KREMEN1: variants seen among roughly 807,000 people sequenced by gnomAD.
The protein encoded by KREMEN1 is kremen protein 1.
A neutral mutation model predicts 46.5 loss-of-function variants in KREMEN1; 30 were observed. The observed-to-expected ratio is 0.65, with a 90% CI of 0.48 to 0.88. The LOEUF (loss-of-function observed/expected upper bound fraction) is 0.88, where lower values mean the gene tolerates loss of function less well. Ranked by LOEUF, KREMEN1 falls within the 40% of genes least tolerant of loss-of-function variation. KREMEN1 has a pLI of 0.00. For synonymous variants in KREMEN1, 214 were observed against 230.6 expected, an observed-to-expected ratio of 0.93 and a Z score of 0.65; for missense variants, 533 against 596.9, an observed-to-expected ratio of 0.89 and a Z score of 1.11.
chr22:29,159,039 C>T (rs926877580), intron 9 of KREMEN1, among the ~76,000 whole-genome samples: 3 of 151,544 alleles, frequency 2.0e-5, no homozygotes, highest in South Asian at 2.1e-4. Context: ...GAGCTGGTCT[C>T]GAACTCCTGA....
At chr22:29,094,467 GTCTC>G in intron 2 of KREMEN1, 47 bp downstream of exon 2, 1 of 1,521,532 alleles carries the variant, frequency 6.6e-7, no homozygotes, top group Non-Finnish European at 8.9e-7. Flanking sequence ...TATATATCTA[GTCTC>G]TTCTTCCAAC....
In KREMEN1 at chr22:29,143,329, C is replaced by G; in HGVS notation, c.*1217C>G. 1 of 985,488 alleles carries G rather than the reference C, an allele frequency of 1.0e-6. No homozygotes were observed. The highest frequency in any genetic ancestry group is 1.2e-6 in the Non-Finnish European group (1 of 829,962). The allele number at this position is 985,488 out of a possible 1,614,324, so 61.0% of individuals were successfully genotyped here. On this transcript the variant is annotated 3_prime_UTR_variant, in exon 9 of 9. Coordinates refer to ENST00000400335, the MANE Select transcript of KREMEN1 (RefSeq NM_001039570.3). Reference sequence around the variant, plus strand: ...GGCCTCAGTCTCTCCATGATTGGCTCAGCTAACTCTCAGTTCAGAGTGGAG... The same window carrying G: ...GGCCTCAGTCTCTCCATGATTGGCTGAGCTAACTCTCAGTTCAGAGTGGAG...
chr22:29,154,588 CA>C (rs1201130613), intron 9 of KREMEN1: 2 of 152,348 alleles, frequency 1.3e-5, no homozygotes, highest in African/African-American at 2.4e-5. Context: ...GCCTTTCCTG[CA>C]GGAGCCGTCC....
intron 9 of KREMEN1, chr22:29,154,548 A>T (rs1242579179): frequency 6.6e-6 from 1 of 152,354 alleles, no homozygotes; most frequent in African/African-American, 2.4e-5. Context: ...GCTGCGGCAG[A>T]GCCCCCAGCC....
intron 3 of KREMEN1, among the ~76,000 whole-genome samples, chr22:29,101,252 CAAAAAAAAA>C (rs368843166): frequency 1.3e-5 from 1 of 74,806 alleles, no homozygotes; most frequent in African/African-American, 5.4e-5. Flanking sequence ...AGTCTGTCTC[CAAAAAAAAA>C]AAAAAAAAAA....
chr22:29,094,626 C>CTTTTT (rs134659), intron 2 of KREMEN1, among the ~76,000 whole-genome samples: 1 of 112,968 alleles, frequency 8.9e-6, no homozygotes. Flanking sequence ...ATTTACCACT[C>CTTTTT]TTTTTTTTTT....
chr22:29,078,913 T>A (rs2037613183), intron 1 of KREMEN1, among the ~76,000 whole-genome samples: 1 of 152,250 alleles, frequency 6.6e-6, no homozygotes, highest in Admixed American at 6.5e-5. Flanking sequence ...TTGGTGAGAA[T>A]GATGACTGAC....
intron 9 of KREMEN1, chr22:29,154,233 A>G (rs533605714): frequency 6.6e-6 from 1 of 152,242 alleles, no homozygotes; most frequent in East Asian, 1.9e-4. Flanking sequence ...TTCCCTCCTT[A>G]GAGAATAATT....
chr22:29,161,071 C>T (rs1391889238), intron 9 of KREMEN1, among the ~76,000 whole-genome samples: 1 of 152,116 alleles, frequency 6.6e-6, no homozygotes, highest in African/African-American at 2.4e-5. Flanking sequence ...ACAAAAGATC[C>T]TCAGAGACTA....
intron 5 of KREMEN1, among the ~76,000 whole-genome samples, chr22:29,133,348 A>G (rs1282264999): frequency 6.6e-6 from 1 of 151,060 alleles, no homozygotes; most frequent in Non-Finnish European, 1.5e-5. Flanking sequence ...CACCCAGGCT[A>G]GAGTGCAGTA....
intron 5 of KREMEN1, among the ~76,000 whole-genome samples, chr22:29,126,165 G>T (rs900204205): frequency 6.6e-6 from 1 of 151,638 alleles, no homozygotes; most frequent in African/African-American, 2.4e-5. Context: ...AGTGTCTGTG[G>T]TGTCTTTGGC....
chr22:29,160,803 C>T (rs1025741585), intron 9 of KREMEN1, among the ~76,000 whole-genome samples: 4 of 152,040 alleles, frequency 2.6e-5, no homozygotes, highest in Admixed American at 6.6e-5. Flanking sequence ...CATCTAATAT[C>T]GCACATAGAG....
In KREMEN1 at chr22:29,073,247, C is replaced by A; in HGVS notation, c.97+20C>A. On this transcript the variant is annotated intron_variant, in intron 1 of 8. Coordinates refer to ENST00000400335, the MANE Select transcript of KREMEN1 (RefSeq NM_001039570.3). This position sits in a 1 kb window ranked among gnomAD's most constrained non-coding sequence, Gnocchi z 4.4. ...GACCCGGTGAGTGTGAGCGACCCCC[C>A]GCCGCCCGCCCTGAGCGGAGCCCAC... is the stretch of plus-strand genomic sequence containing the variant. The A allele has an allele frequency of 9.2e-7, 1 of 1,085,808 alleles. No individual in the cohort carries two copies. The highest frequency in any genetic ancestry group is 1.2e-6 in the Non-Finnish European group (1 of 869,432). 67.3% of individuals were successfully genotyped at this position (1,085,808 alleles called of 1,614,324 possible). A position where few individuals can be genotyped will look rare whatever the true frequency, so the allele number is the denominator to read the frequency against.
intron 3 of KREMEN1, chr22:29,111,447 C>A (rs1431777424): frequency 1.3e-5 from 2 of 151,600 alleles, no homozygotes; most frequent in African/African-American, 4.8e-5. Flanking sequence ...CCCGTCTCTA[C>A]TAAAAAAATA....
At position 29,138,785 on chromosome 22, in the gene KREMEN1, A is replaced by G. The variant is rs1031176190; in HGVS notation, c.1123+3A>G. 7 of 1,614,252 alleles carry G rather than the reference A, an allele frequency of 4.3e-6. No homozygotes were observed. Among genetic ancestry groups the G allele is most frequent in the Non-Finnish European group, 5.9e-6 (7 of 1,180,046 alleles). ...CCACCCACCTCAGACTGTCCCAGGT[A>G]GCAATTCCTGGGCGCCACCCATGGG... On this transcript the variant is annotated splice_donor_region_variant and intron_variant, in intron 7 of 8. Transcript: ENST00000400335.
chr22:29,110,243 C>T (rs558576334), intron 3 of KREMEN1, among the ~76,000 whole-genome samples: 2 of 152,268 alleles, frequency 1.3e-5, no homozygotes, highest in South Asian at 4.1e-4. Context: ...GACCTCTATC[C>T]AGTGACTTCT....
intron 9 of KREMEN1, among the ~76,000 whole-genome samples, chr22:29,163,040 C>T (rs115688936): frequency 0.02 from 3,022 of 152,212 alleles, 111 homozygotes; most frequent in African/African-American, 0.069. Flanking sequence ...TCTGTGTCCT[C>T]ACACAAATCT....
At chr22:29,103,999 G>T (rs1222563947) in intron 3 of KREMEN1, among the ~76,000 whole-genome samples, 1 of 152,098 alleles carries the variant, frequency 6.6e-6, no homozygotes, top group Non-Finnish European at 1.5e-5. Context: ...GATGCTGGGT[G>T]ATGGGTTCAT....
intron 3 of KREMEN1, among the ~76,000 whole-genome samples, chr22:29,121,014 C>T (rs963907974): frequency 2.6e-5 from 4 of 151,900 alleles, no homozygotes; most frequent in African/African-American, 9.7e-5. Context: ...AACTCTGAAA[C>T]ATAATTTACA....
Sources: allele counts gnomAD v4.1 joint callset (sites outside exome capture counted in the v4.1 genomes callset), GRCh38; gene constraint gnomAD v4.1.1; non-coding constraint Gnocchi (gnomAD v3.1); transcripts MANE v1.5; gene names NCBI Gene and HGNC (gene_info 2026-07-23, HGNC 2026-07-21).